Variants in SPAG9 observed in about 807,000 individuals in gnomAD.
SPAG9 encodes C-Jun-amino-terminal kinase-interacting protein 4.
Under a neutral mutation model 166.5 loss-of-function variants are expected in SPAG9, and 35 were observed. The ratio of observed to expected loss-of-function variants is 0.21; its 90% confidence interval spans 0.16 to 0.28. The LOEUF is 0.28. Ranked by LOEUF, SPAG9 falls within the 10% of genes least tolerant of loss-of-function variation. The pLI, the probability that SPAG9 is intolerant of heterozygous loss-of-function variation, is 1.00. For missense variants in SPAG9, 1,235 were observed against 1,603.3 expected, an observed-to-expected ratio of 0.77 and a Z score of 3.92; for synonymous variants, 534 against 565.5, an observed-to-expected ratio of 0.94 and a Z score of 0.79.
At chr17:50,985,531 A>G (rs1974984769) in intron 23 of SPAG9, among the ~76,000 whole-genome samples, 167 bp downstream of exon 23, 4 of 151,818 alleles carry the variant, frequency 2.6e-5, no homozygotes, top group African/African-American at 9.6e-5. Flanking sequence ...TCTATTATAC[A>G]GTTTCATTCT....
intron 1 of SPAG9, among the ~76,000 whole-genome samples, chr17:51,119,131 C>T (rs1161474297): frequency 1.3e-5 from 2 of 151,012 alleles, no homozygotes; most frequent in Non-Finnish European, 2.9e-5. Context: ...ATCATCACTA[C>T]AGTCAAGCTT....
Position 50,995,115 on chromosome 17 carries a change from C to T in SPAG9, c.2168G>A (p.Gly723Asp), listed in dbSNP as rs1597940900. Residue 723 changes from glycine (G) to aspartate (D), a missense_variant, in exon 18 of 30, where the codon GGC (glycine) becomes GAC (aspartate). Coordinates refer to ENST00000262013, the MANE Select transcript of SPAG9 (RefSeq NM_001130528.3). ...YKDVAGLDTE[G>D]SKQRSASQSS... ...CTGAGAGGCACTTCGCTGTTTACTGCCTTCTGTATCCAAACCAGCAACATC... is the reference window on the plus strand; with the variant it reads ...CTGAGAGGCACTTCGCTGTTTACTGTCTTCTGTATCCAAACCAGCAACATC... 6.2e-7 allele frequency: 1 copy of T among 1,614,054 alleles called. No homozygotes were observed.
intron 22 of SPAG9, 25 bp downstream of exon 22, chr17:50,987,087 T>G: frequency 6.3e-7 from 1 of 1,586,104 alleles, no homozygotes; most frequent in Non-Finnish European, 8.5e-7. Flanking sequence ...CAACATATTC[T>G]AATGTTAAAA....
chr17:51,038,932 C>A (rs2046725185), intron 5 of SPAG9, among the ~76,000 whole-genome samples: 1 of 152,130 alleles, frequency 6.6e-6, no homozygotes, highest in African/African-American at 2.4e-5. Flanking sequence ...CTAGGTGCAT[C>A]ATTCCTAGAA....
chr17:51,112,487 A>C (rs2049142937), intron 1 of SPAG9, among the ~76,000 whole-genome samples: 2 of 151,622 alleles, frequency 1.3e-5, no homozygotes, highest in African/African-American at 4.8e-5. Context: ...CCTGGCCAAC[A>C]TGGTGAAACC....
At chr17:51,091,466 GTTTT>G (rs569115942) in intron 1 of SPAG9, among the ~76,000 whole-genome samples, 2 of 151,598 alleles carry the variant, frequency 1.3e-5, no homozygotes, top group African/African-American at 2.4e-5. Context: ...AAGCGCAGCA[GTTTT>G]TTTTGTTTGT....
chr17:51,071,280 A>C (rs1017360514), intron 2 of SPAG9, among the ~76,000 whole-genome samples: 2 of 152,324 alleles, frequency 1.3e-5, no homozygotes, highest in Middle Eastern at 3.4e-3. Context: ...TAAATATAAA[A>C]AGTACTTTCT....
At chr17:51,046,843 T>C in intron 4 of SPAG9, 2 of 1,531,878 alleles carry the variant, frequency 1.3e-6, no homozygotes, top group African/African-American at 1.4e-5. Flanking sequence ...TCTCCCCACC[T>C]CATAACCATA....
chr17:51,119,478 T>G (rs766102887), intron 1 of SPAG9, among the ~76,000 whole-genome samples: 1 of 152,128 alleles, frequency 6.6e-6, no homozygotes, highest in Non-Finnish European at 1.5e-5. Context: ...ACCTATCACT[T>G]GCACCCTAGA....
intron 26 of SPAG9, among the ~76,000 whole-genome samples, chr17:50,977,826 G>A (rs1567955294): frequency 6.6e-6 from 1 of 152,176 alleles, no homozygotes; most frequent in African/African-American, 2.4e-5. Flanking sequence ...TGAGGCTGCT[G>A]TGAACTGTGA....
chr17:51,104,715 C>T (rs921948891), intron 1 of SPAG9, among the ~76,000 whole-genome samples: 1 of 151,856 alleles, frequency 6.6e-6, no homozygotes, highest in African/African-American at 2.4e-5. Context: ...GGGCGGATCA[C>T]GAGGTCAGGA....
chr17:51,066,537 A>C (rs1348169541), intron 2 of SPAG9, among the ~76,000 whole-genome samples: 2 of 139,658 alleles, frequency 1.4e-5, no homozygotes, highest in African/African-American at 2.7e-5. Context: ...GCTGGGCGAC[A>C]GAGTGAGACT....
chr17:50,969,744 C>T (rs946436674), intron 29 of SPAG9, among the ~76,000 whole-genome samples: 2 of 152,114 alleles, frequency 1.3e-5, no homozygotes, highest in Non-Finnish European at 1.5e-5. Flanking sequence ...GGAGTGCCAA[C>T]CCCTGGTCCT....
At chr17:50,976,314 G>C (rs1974204433) in intron 27 of SPAG9, among the ~76,000 whole-genome samples, 1 of 151,988 alleles carries the variant, frequency 6.6e-6, no homozygotes, top group Non-Finnish European at 1.5e-5. Context: ...ATGAACTCTA[G>C]GGGATCCTGG....
intron 1 of SPAG9, among the ~76,000 whole-genome samples, chr17:51,113,069 C>T (rs1049392546): frequency 1.3e-5 from 2 of 151,706 alleles, no homozygotes; most frequent in South Asian, 2.1e-4. Context: ...AAATGTTGGC[C>T]GCTGCCGGGC....
At chr17:51,091,420 G>C (rs1031885792) in intron 1 of SPAG9, among the ~76,000 whole-genome samples, 1 of 152,058 alleles carries the variant, frequency 6.6e-6, no homozygotes, top group Admixed American at 6.6e-5. Flanking sequence ...GAATAACCAC[G>C]ATAGGGTTAG....
Position 51,006,030 on chromosome 17 carries a change from C to A in SPAG9, c.1424+55G>T, listed in dbSNP as rs1270296929. On this transcript the variant is annotated intron_variant, in intron 11 of 29. Transcript: ENST00000262013. ...CAGTCTCAGGGTTACATCTGTAACC[C>A]TTTGTGGCATAACTGGCAAAGAGTT... 5.7e-6 allele frequency: 9 copies of A among 1,589,908 alleles called. No individual in the cohort carries two copies. In the Admixed American group the frequency reaches 1.2e-4, roughly 21 times the overall value.
intron 6 of SPAG9, chr17:51,030,954 G>A (rs1363985645): frequency 7.2e-6 from 1 of 138,078 alleles, no homozygotes; most frequent in Non-Finnish European, 1.5e-5. Context: ...TCGCTGTGTT[G>A]CCCAGGCTGG....
chr17:51,096,614 C>T (rs924608103), intron 1 of SPAG9, among the ~76,000 whole-genome samples: 6 of 151,742 alleles, frequency 4.0e-5, no homozygotes, highest in Non-Finnish European at 5.9e-5. Flanking sequence ...TACATATGCA[C>T]CGAATGTTAC....
Sources: allele counts gnomAD v4.1 joint callset (sites outside exome capture counted in the v4.1 genomes callset), GRCh38; gene constraint gnomAD v4.1.1; transcripts MANE v1.5; gene names NCBI Gene and HGNC (gene_info 2026-07-23, HGNC 2026-07-21).